Variants in ARHGAP23 observed in about 807,000 individuals in gnomAD.
ARHGAP23 encodes Rho GTPase activating protein 23.
In ARHGAP23, 34 loss-of-function variants were observed where a neutral mutation model predicts 136.3. That is an observed-to-expected ratio of 0.25 (90% CI 0.19 to 0.33). ARHGAP23 has a LOEUF of 0.33. Ranked by LOEUF, ARHGAP23 falls within the 10% of genes least tolerant of loss-of-function variation. ARHGAP23 has a pLI of 1.00. For missense variants in ARHGAP23, 1,808 were observed against 2,139.0 expected, an observed-to-expected ratio of 0.85 and a Z score of 3.05; for synonymous variants, 832 against 920.5, an observed-to-expected ratio of 0.90 and a Z score of 1.74.
At position 38,510,490 on chromosome 17, in the gene ARHGAP23, G is replaced by C; in HGVS notation, c.3994G>C (p.Gly1332Arg). The change falls in exon 24 of 24, where the codon GGC (glycine) becomes CGC (arginine). Residue 1332 changes from glycine (G) to arginine (R), a missense_variant. This residue lies in a region of ARHGAP23 where 506 missense variants were observed against 455.8 expected (regional missense o/e 1.11). Transcript: ENST00000622683. This position sits in a 1 kb window ranked among gnomAD's most constrained non-coding sequence, Gnocchi z 4.6. Reference protein sequence around the residue: ...RLARGRPDGEGAGRGGPRAPE... With the variant: ...RLARGRPDGERAGRGGPRAPE... ...GGCCCGGGGCCGCCCAGACGGCGAGGGCGCGGGCCGGGGCGGTCCCCGCGC... is the reference window on the plus strand; with the variant it reads ...GGCCCGGGGCCGCCCAGACGGCGAGCGCGCGGGCCGGGGCGGTCCCCGCGC... 1.7e-6 allele frequency: 2 copies of C among 1,168,670 alleles called. No individual in the cohort carries two copies. Among genetic ancestry groups the C allele is most frequent in the Non-Finnish European group, 2.1e-6 (2 of 948,312 alleles). The allele number at this position is 1,168,670 out of a possible 1,614,324, so 72.4% of individuals were successfully genotyped here. A position where few individuals can be genotyped will look rare whatever the true frequency, so the allele number is the denominator to read the frequency against.
rs2038609682 is a variant in ARHGAP23, at chr17:38,428,497, C to G, written c.12C>G (p.Val4=). The G allele has an allele frequency of 6.9e-7, 1 of 1,452,514 alleles. No homozygotes were observed. Among genetic ancestry groups the G allele is most frequent in the Admixed American group, 2.4e-5 (1 of 40,958 alleles). 90.0% of individuals were successfully genotyped at this position (1,452,514 alleles called of 1,614,324 possible). A position where few individuals can be genotyped will look rare whatever the true frequency, so the allele number is the denominator to read the frequency against. Residue 4 remains valine, a synonymous_variant, in exon 1 of 24, where the codon GTC becomes GTG. Coordinates refer to ENST00000622683, the MANE Select transcript of ARHGAP23 (RefSeq NM_001199417.2). MNG[V]AFCLVGIPPR... is the part of the protein sequence containing the mutation. Reference sequence around the variant, plus strand: ...GCCGCTGCCACCCGATGAATGGAGTCGCCTTCTGCCTGGTCGGGATCCCGC... The same window carrying G: ...GCCGCTGCCACCCGATGAATGGAGTGGCCTTCTGCCTGGTCGGGATCCCGC...
intron 1 of ARHGAP23, among the ~76,000 whole-genome samples, chr17:38,444,429 C>A (rs1227819860): frequency 6.6e-6 from 1 of 151,966 alleles, no homozygotes; most frequent in Non-Finnish European, 1.5e-5. Context: ...TGGGTGTGAG[C>A]GTGTGGCGCG....
chr17:38,467,150 G>A lies in ARHGAP23; in HGVS notation c.1467G>A (p.Val489=), dbSNP rs1289042612. The A allele has an allele frequency of 1.3e-6, 2 of 1,549,568 alleles. No individual in the cohort carries two copies. The highest frequency in any genetic ancestry group is 1.7e-6 in the Non-Finnish European group (2 of 1,146,394). Residue 489 remains valine (V), a synonymous_variant, in exon 7 of 24, where the codon GTG becomes GTA. Transcript: ENST00000622683. ...CTGCGGAGGATCGCGGCGATGAGGT[G>A]GTCCTGAGGCAGAAGCCCCCGACGG... The part of the protein sequence containing the change: ...EPPAEDRGDE[V]VLRQKPPTGR...
chr17:38,464,815 C>A (rs1339021512), intron 6 of ARHGAP23, among the ~76,000 whole-genome samples: 2 of 152,158 alleles, frequency 1.3e-5, no homozygotes, highest in Non-Finnish European at 2.9e-5. Context: ...CATCTGGGGG[C>A]CTCCACTGGC....
intron 7 of ARHGAP23, among the ~76,000 whole-genome samples, chr17:38,468,751 C>G (rs1268837651): frequency 1.3e-5 from 2 of 152,162 alleles, no homozygotes; most frequent in Non-Finnish European, 2.9e-5. Flanking sequence ...AGGAAGCTCT[C>G]AGTCTGATGG....
intron 16 of ARHGAP23, among the ~76,000 whole-genome samples, chr17:38,484,214 C>T (rs1341282598): frequency 6.6e-6 from 1 of 151,880 alleles, no homozygotes; most frequent in African/African-American, 2.4e-5. Context: ...TGGGAGCAAC[C>T]CTAAGAGTTG....
intron 17 of ARHGAP23, among the ~76,000 whole-genome samples, chr17:38,486,452 G>T (rs35158416): frequency 0.67 from 100,220 of 150,640 alleles, 35,064 homozygotes; most frequent in East Asian, 0.91. Context: ...TCAGACTGGT[G>T]TTGCACTCCT....
chr17:38,471,796 C>T (rs2039765237), intron 10 of ARHGAP23, 67 bp from the exon 11 acceptor site: 4 of 1,459,890 alleles, frequency 2.7e-6, no homozygotes, highest in Non-Finnish European at 3.7e-6. Flanking sequence ...ACAAGTGGTC[C>T]ATGGGGTTCC....
rs1040543671 is a variant in ARHGAP23 at position 38,462,535 on chromosome 17, C to T, written c.254-311C>T. ...CCTCCCAAAGTACTGGGATTACAGG[C>T]GTGAGCTACCATGCCTGGCCTGTTC... is the stretch of plus-strand genomic sequence containing the variant. On this transcript the variant is annotated intron_variant, in intron 3 of 23. Coordinates refer to ENST00000622683, the MANE Select transcript of ARHGAP23 (RefSeq NM_001199417.2). 3.3e-5 allele frequency among the ~76,000 whole-genome samples: 5 copies of T among 152,302 alleles called. No individual in the cohort carries two copies. The East Asian group carries it at 9.6e-4, about 29-fold the overall frequency.
chr17:38,490,506 T>C lies in ARHGAP23; in HGVS notation c.3105T>C (p.Leu1035=), dbSNP rs1189005389. ...PGHYYETLKF[L]VGHLKTIADH... is the part of the protein sequence containing the mutation. ...ACTACTATGAAACGCTCAAATTCCTTGTGGGCCATCTCAAGACCATCGCTG... is the reference window on the plus strand; with the variant it reads ...ACTACTATGAAACGCTCAAATTCCTCGTGGGCCATCTCAAGACCATCGCTG... Residue 1035 remains leucine, a synonymous_variant, in exon 19 of 24, where the codon CTT becomes CTC. Transcript: ENST00000622683. The C allele has an allele frequency of 6.5e-7, 1 of 1,549,402 alleles. No individual in the cohort carries two copies. The highest frequency in any genetic ancestry group is 8.7e-7 in the Non-Finnish European group (1 of 1,146,710).
At chr17:38,501,633 A>G (rs565623955) in intron 23 of ARHGAP23, among the ~76,000 whole-genome samples, 83 of 152,190 alleles carry the variant, frequency 5.5e-4, no homozygotes, top group Admixed American at 5.4e-3. Flanking sequence ...TTATGGGCAT[A>G]AAGTTGCCCA....
intron 20 of ARHGAP23, among the ~76,000 whole-genome samples, chr17:38,492,275 G>A (rs1288860756): frequency 1.3e-5 from 2 of 152,194 alleles, no homozygotes; most frequent in Non-Finnish European, 2.9e-5. Flanking sequence ...ATTATGAATC[G>A]TAGATTTTCC....
chr17:38,440,600 G>C (rs891428872), intron 1 of ARHGAP23, among the ~76,000 whole-genome samples: 1 of 152,218 alleles, frequency 6.6e-6, no homozygotes, highest in Non-Finnish European at 1.5e-5. Flanking sequence ...GTCTTCCCTT[G>C]TGTCACTGGC....
At chr17:38,421,833 G>T (rs750861223) in intron 1 of ARHGAP23, among the ~76,000 whole-genome samples, 2 of 152,218 alleles carry the variant, frequency 1.3e-5, no homozygotes, top group East Asian at 3.8e-4. Flanking sequence ...CGACGGGGAG[G>T]TGGGAGCCTC....
At chr17:38,455,638 A>G (rs886976996) in intron 1 of ARHGAP23, among the ~76,000 whole-genome samples, 3 of 152,172 alleles carry the variant, frequency 2.0e-5, no homozygotes, top group African/African-American at 7.2e-5. Context: ...ACAGCAGCAA[A>G]ACAATGGGCC....
intron 22 of ARHGAP23, among the ~76,000 whole-genome samples, chr17:38,499,926 A>G (rs2144790072): frequency 6.6e-6 from 1 of 152,230 alleles, no homozygotes; most frequent in East Asian, 1.9e-4. Flanking sequence ...CCCAAGTCCC[A>G]TAGAAATCAT....
chr17:38,510,059 G>A lies in ARHGAP23; in HGVS notation c.3563G>A (p.Ser1188Asn). 1 of 1,240,678 alleles carries A rather than the reference G, an allele frequency of 8.1e-7. No homozygotes were observed. The highest frequency in any genetic ancestry group is 3.8e-5 in the South Asian group (1 of 26,092). 76.9% of individuals were successfully genotyped at this position (1,240,678 alleles called of 1,614,324 possible). A position where few individuals can be genotyped will look rare whatever the true frequency, so the allele number is the denominator to read the frequency against. The part of the protein sequence containing the change: ...KRREARGLGS[S>N]TDDDSEQEAH... ...CGGGAGGCGCGGGGGCTGGGCAGCA[G>A]CACCGACGACGACTCGGAGCAGGAG... is the stretch of plus-strand genomic sequence containing the variant. The change falls in exon 24 of 24, where the codon AGC becomes AAC. Residue 1188 changes from serine (S) to asparagine (N), a missense_variant. Around this residue, in one of 7 missense-constraint regions of ARHGAP23, gnomAD observed 104 missense variants for 131.8 expected, o/e 0.79. Transcript: ENST00000622683. This position sits in a 1 kb window ranked among gnomAD's most constrained non-coding sequence, Gnocchi z 4.6.
At chr17:38,491,312 G>A (rs2040273924) in intron 19 of ARHGAP23, 95 bp from the exon 20 acceptor site, 2 of 1,497,760 alleles carry the variant, frequency 1.3e-6, no homozygotes, top group Non-Finnish European at 1.8e-6. Flanking sequence ...CTGGGGACTG[G>A]TGAGGATGTA....
At chr17:38,436,027 TGCACTGGCATCACAGA>T (rs1290579987) in intron 1 of ARHGAP23, among the ~76,000 whole-genome samples, 2 of 152,202 alleles carry the variant, frequency 1.3e-5, no homozygotes, top group Non-Finnish European at 2.9e-5. Context: ...ACTGTTATCT[TGCACTGGCATCACAGA>T]GCTGAGCTTC....
Sources: gnomAD v4.1 joint callset for allele counts (sites outside exome capture counted in the v4.1 genomes callset) on GRCh38, gnomAD v4.1.1 for gene constraint, gnomAD v4.1.1 regional missense constraint, Gnocchi (gnomAD v3.1) non-coding constraint, MANE v1.5 for transcripts, NCBI Gene and HGNC (gene_info 2026-07-23, HGNC 2026-07-21) for gene names.